The following SLX4IP variants were observed in gnomAD, a reference collection of about 807,000 sequenced individuals.
The protein encoded by SLX4IP is protein SLX4IP.
In SLX4IP, 34 loss-of-function variants were observed where a neutral mutation model predicts 32.9. The ratio of observed to expected loss-of-function variants is 1.03; its 90% CI spans 0.79 to 1.38. SLX4IP has a LOEUF of 1.38. SLX4IP is among the 40% of genes most tolerant of loss of function. The probability of loss-of-function intolerance (pLI) is 0.00; values close to 1 mark genes in which losing one functional copy is unlikely to be tolerated. For missense variants in SLX4IP, 444 were observed against 479.0 expected (o/e 0.93, Z 0.68); for synonymous variants, 172 against 171.7 (o/e 1.00, Z -0.01).
intron 2 of SLX4IP, among the ~76,000 whole-genome samples, chr20:10,510,942 C>T (rs1375523074): frequency 1.3e-5 from 2 of 152,232 alleles, no homozygotes; most frequent in African/African-American, 4.8e-5. Context: ...GGTGAATGGA[C>T]GCAGCATGAA....
At chr20:10,542,328 T>G (rs965549836) in intron 2 of SLX4IP, among the ~76,000 whole-genome samples, 1 of 152,322 alleles carries the variant, frequency 6.6e-6, no homozygotes, top group Admixed American at 6.5e-5. Flanking sequence ...CCAGTACCTG[T>G]CTCCTTATGG....
At chr20:10,525,930 G>A (rs921408318) in intron 2 of SLX4IP, among the ~76,000 whole-genome samples, 15 of 152,256 alleles carry the variant, frequency 9.9e-5, no homozygotes, top group Admixed American at 4.6e-4. Context: ...TGGATATGGG[G>A]TAAGGACTTG....
At position 10,623,560 on chromosome 20, in the gene SLX4IP, A is replaced by G. The variant is rs1262210484; in HGVS notation, c.*181A>G. 9.3e-6 allele frequency: 8 copies of G among 857,338 alleles called. No individual in the cohort carries two copies. The highest frequency in any genetic ancestry group is 3.6e-4 in the Middle Eastern group (1 of 2,762). 53.1% of individuals were successfully genotyped at this position (857,338 alleles called of 1,614,324 possible). On this transcript the variant is annotated 3_prime_UTR_variant, in exon 8 of 8. Transcript: ENST00000334534. ...TCAAAGCATTTCAAACCGGGAGGCTATATGCTTGTTCTAACAGCGTTGCTT... is the reference window on the plus strand; with the variant it reads ...TCAAAGCATTTCAAACCGGGAGGCTGTATGCTTGTTCTAACAGCGTTGCTT...
intron 2 of SLX4IP, among the ~76,000 whole-genome samples, chr20:10,507,222 A>G (rs977529775): frequency 1.1e-3 from 167 of 152,290 alleles, no homozygotes; most frequent in African/African-American, 3.8e-3. Context: ...GTGCCTTTTA[A>G]TGAGGATATG....
intron 2 of SLX4IP, among the ~76,000 whole-genome samples, chr20:10,467,668 G>T (rs1422993439): frequency 6.6e-6 from 1 of 152,196 alleles, no homozygotes; most frequent in Admixed American, 6.5e-5. Context: ...CATGCTGGAA[G>T]CTGTATTTAA....
At position 10,556,216 on chromosome 20, in the gene SLX4IP, AT is replaced by A. The variant is rs746892460; in HGVS notation, c.28-13del. The A allele has an allele frequency of 6.2e-7, 1 of 1,610,662 alleles. No individual in the cohort carries two copies. Among genetic ancestry groups the A allele is most frequent in the South Asian group, 1.1e-5 (1 of 90,430 alleles). ...GAGCCGCACAGACACTGACTCTGCC[AT>A]TAATGTCTTTCAGTGTGGGAATTTT... On this transcript the variant is annotated splice_polypyrimidine_tract_variant and intron_variant, in intron 2 of 7. Transcript: ENST00000334534.
chr20:10,613,302 T>G (rs1343326947), intron 6 of SLX4IP: 1 of 728,908 alleles, frequency 1.4e-6, no homozygotes, highest in Non-Finnish European at 2.4e-6. Context: ...CTTGGTCTAG[T>G]CAATCTGAAA....
At chr20:10,614,057 G>T in intron 6 of SLX4IP, 1 of 1,523,268 alleles carries the variant, frequency 6.6e-7, no homozygotes, top group Non-Finnish European at 9.0e-7. Context: ...AGCGGGTGGC[G>T]TCCTCCTTGT....
At position 10,621,357 on chromosome 20, in the gene SLX4IP, G is replaced by A. The variant is rs1568778532; in HGVS notation, c.449G>A (p.Cys150Tyr). 1.1e-5 allele frequency: 17 copies of A among 1,614,200 alleles called. No individual in the cohort carries two copies. The highest frequency in any genetic ancestry group is 1.4e-5 in the Non-Finnish European group (17 of 1,180,028). ...LHGVSDYFAE[C>Y]AESSLPPSAK... ...GGAGTGTCTGATTACTTTGCTGAGT[G>A]TGCAGAGAGTTCACTTCCTCCCAGT... is the stretch of plus-strand genomic sequence containing the variant. The change falls in exon 7 of 8, where the codon TGT (cysteine) becomes TAT (tyrosine). Residue 150 changes from cysteine to tyrosine, a missense_variant. Physicochemically the swap from Cys to Tyr is radical, Grantham distance 194. Transcript: ENST00000334534.
rs150620105 is a variant in SLX4IP at position 10,622,793 on chromosome 20, C to T, written c.641C>T (p.Pro214Leu). ...AATGATGGTCAGGCTTCCTCCAGTC[C>T]CCCATCAGAATCCATGGGACAAGCA... Reference protein sequence around the residue: ...RRNDGQASSSPPSESMGQAKD... With the variant: ...RRNDGQASSSLPSESMGQAKD... Residue 214 changes from proline to leucine, a missense_variant, in exon 8 of 8, where the codon CCC becomes CTC. Pro to Leu is a moderately conservative substitution (Grantham distance 98, BLOSUM62 -3). Coordinates refer to ENST00000334534, the MANE Select transcript of SLX4IP (RefSeq NM_001009608.3). 2.7e-5 allele frequency: 43 copies of T among 1,614,088 alleles called. No individual in the cohort carries two copies. In the African/African-American group the frequency reaches 4.9e-4, roughly 19 times the overall value.
chr20:10,593,494 G>T (rs895510075), intron 4 of SLX4IP, among the ~76,000 whole-genome samples: 2 of 152,116 alleles, frequency 1.3e-5, no homozygotes, highest in African/African-American at 4.8e-5. Flanking sequence ...CAGCATTTTG[G>T]GAGGTCCAGG....
Position 10,515,067 on chromosome 20 carries a change from T to TGTAAGTTGA in SLX4IP, c.28-41163_28-41155dup, listed in dbSNP as rs1243750406. On this transcript the variant is annotated intron_variant, in intron 2 of 7. Coordinates refer to ENST00000334534, the MANE Select transcript of SLX4IP (RefSeq NM_001009608.3). ...GTCTTTTGTTAAATTCACATTTATT[T>TGTAAGTTGA]GTAAGTTGAAGCTTTTTTTTTTTTT... is the stretch of plus-strand genomic sequence containing the variant. Among the ~76,000 whole-genome samples the TGTAAGTTGA allele has an allele frequency of 3.3e-5, 5 of 150,664 alleles. No individual in the cohort carries two copies. In the East Asian group the frequency reaches 9.7e-4, roughly 29 times the overall value.
intron 2 of SLX4IP, among the ~76,000 whole-genome samples, chr20:10,491,403 G>C (rs1353045944): frequency 2.0e-5 from 3 of 152,026 alleles, no homozygotes; most frequent in African/African-American, 4.8e-5. Flanking sequence ...ACGTTCTTCA[G>C]AGCTTTCGGA....
At chr20:10,437,806 C>G (rs936259358) in intron 1 of SLX4IP, among the ~76,000 whole-genome samples, 1 of 152,102 alleles carries the variant, frequency 6.6e-6, no homozygotes, top group African/African-American at 2.4e-5. Context: ...TATTAACATA[C>G]CTCATATTGT....
At chr20:10,605,799 G>A (rs2066899672) in intron 6 of SLX4IP, among the ~76,000 whole-genome samples, 2 of 152,112 alleles carry the variant, frequency 1.3e-5, no homozygotes, top group South Asian at 4.1e-4. Context: ...AAGGATTACC[G>A]GGACATCCTG....
chr20:10,458,458 C>T (rs1487132840), intron 2 of SLX4IP, among the ~76,000 whole-genome samples: 1 of 152,106 alleles, frequency 6.6e-6, no homozygotes, highest in Non-Finnish European at 1.5e-5. Context: ...CACAGATCAT[C>T]CCATGACTTA....
intron 3 of SLX4IP, 27 bp downstream of exon 3, chr20:10,556,347 T>C (rs1388978585): frequency 1.9e-6 from 3 of 1,590,894 alleles, no homozygotes; most frequent in Admixed American, 1.7e-5. Flanking sequence ...TACTATTTAA[T>C]TGCAAGTAGC....
chr20:10,457,239 G>A (rs1319300163), intron 1 of SLX4IP, among the ~76,000 whole-genome samples: 1 of 151,884 alleles, frequency 6.6e-6, no homozygotes, highest in Non-Finnish European at 1.5e-5. Context: ...AGAACCTTTA[G>A]TACAATGATG....
At chr20:10,598,597 A>G (rs1335213392) in intron 4 of SLX4IP, 78 bp from the exon 5 acceptor site, 16 of 1,281,866 alleles carry the variant, frequency 1.2e-5, no homozygotes, top group Non-Finnish European at 1.7e-5. Flanking sequence ...TGTGTCTTTT[A>G]TGGCAGGCAC....
Sources: gnomAD v4.1 joint callset for allele counts (sites outside exome capture counted in the v4.1 genomes callset) on GRCh38, gnomAD v4.1.1 for gene constraint, MANE v1.5 for transcripts, NCBI Gene and HGNC (gene_info 2026-07-23, HGNC 2026-07-21) for gene names.